Variants in B3GAT2 observed in about 807,000 individuals in gnomAD.
B3GAT2 encodes galactosylgalactosylxylosylprotein 3-beta-glucuronosyltransferase 2.
In B3GAT2, 26 loss-of-function variants were observed where a neutral mutation model predicts 27.8. That is an observed-to-expected ratio of 0.93 (90% confidence interval 0.68 to 1.30). The LOEUF (loss-of-function observed/expected upper bound fraction) is 1.30. Ranked by LOEUF, B3GAT2 falls within the 50% of genes most tolerant of loss-of-function variation. The pLI, the probability that B3GAT2 is intolerant of heterozygous loss-of-function variation, is 0.00. For synonymous variants in B3GAT2, 218 were observed against 195.1 expected (o/e 1.12, Z -0.98); for missense variants, 458 against 459.0 (o/e 1.00, Z 0.02).
chr6:70,894,138 G>A lies in B3GAT2; in HGVS notation c.726C>T (p.Ile242=), dbSNP rs561877361. 6 of 1,610,984 alleles carry A rather than the reference G, an allele frequency of 3.7e-6. No homozygotes were observed. The highest frequency in any genetic ancestry group is 2.2e-5 in the South Asian group (2 of 90,578). Residue 242 remains isoleucine, a synonymous_variant, in exon 2 of 4, where the codon ATC becomes ATT. Transcript: ENST00000230053. ...TGWRADRPFA[I]DMAGFAVSLQ... Reference sequence around the variant, plus strand: ...ACCCACACTGCTCACCTGCCATGTCGATGGCAAAAGGCCTGTCTGCTCTCC... The same window carrying A: ...ACCCACACTGCTCACCTGCCATGTCAATGGCAAAAGGCCTGTCTGCTCTCC...
At position 70,860,841 on chromosome 6, in the gene B3GAT2, T is replaced by C. The variant is rs954188680; in HGVS notation, c.*822A>G. The C allele has an allele frequency of 2.0e-5, 8 of 395,944 alleles. No individual in the cohort carries two copies. Among genetic ancestry groups the C allele is most frequent in the Non-Finnish European group, 3.6e-5 (8 of 224,358 alleles). 24.5% of individuals were successfully genotyped at this position (395,944 alleles called of 1,614,324 possible). On this transcript the variant is annotated 3_prime_UTR_variant, in exon 4 of 4. Transcript: ENST00000230053. ...TTTCATCATTCACTTCACTGTGCTG[T>C]TGTTATGATGTGCTTAACAGGGAAC...
rs180871790 is a variant in B3GAT2 at position 70,911,220 on chromosome 6, T to A, written c.592-16948A>T. Among the ~76,000 whole-genome samples the A allele has an allele frequency of 6.6e-5, 10 of 152,154 alleles. No homozygotes were observed. The East Asian group carries it at 1.8e-3, about 27-fold the overall frequency. ...GCAATTGCTTTTGGCATCTTCATCA[T>A]GAAATCTTTGCCAGGGACTATGTCC... is the stretch of plus-strand genomic sequence containing the variant. On this transcript the variant is annotated intron_variant, in intron 1 of 3. Transcript: ENST00000230053.
intron 2 of B3GAT2, among the ~76,000 whole-genome samples, chr6:70,879,294 T>C (rs1772062936): frequency 6.6e-6 from 1 of 152,194 alleles, no homozygotes; most frequent in Non-Finnish European, 1.5e-5. Context: ...CTAGGATCCA[T>C]TTCTTTTCTT....
chr6:70,871,223 T>A (rs9351794), intron 2 of B3GAT2, among the ~76,000 whole-genome samples: 1 of 34,240 alleles, frequency 2.9e-5, no homozygotes, highest in East Asian at 1.9e-3. Flanking sequence ...TTTTTTTTTG[T>A]TTTTTTTTTT....
chr6:70,901,674 TTC>T (rs1274662485), intron 1 of B3GAT2, among the ~76,000 whole-genome samples: 1 of 152,222 alleles, frequency 6.6e-6, no homozygotes, highest in Non-Finnish European at 1.5e-5. Context: ...GTCCCCATCA[TTC>T]CCCACTGCAG....
At chr6:70,866,268 G>C (rs1396559255) in intron 2 of B3GAT2, among the ~76,000 whole-genome samples, 1 of 152,132 alleles carries the variant, frequency 6.6e-6, no homozygotes, top group Non-Finnish European at 1.5e-5. Flanking sequence ...AGGTCAAATT[G>C]ATTAGCCCTA....
At chr6:70,955,562 A>AC (rs1416594630) in intron 1 of B3GAT2, among the ~76,000 whole-genome samples, 1 of 151,972 alleles carries the variant, frequency 6.6e-6, no homozygotes, top group Non-Finnish European at 1.5e-5. Flanking sequence ...CACCTGTGCT[A>AC]TTCTCTTGAC....
intron 1 of B3GAT2, among the ~76,000 whole-genome samples, chr6:70,904,405 C>T (rs1225284773): frequency 1.3e-5 from 2 of 152,070 alleles, no homozygotes; most frequent in Non-Finnish European, 2.9e-5. Flanking sequence ...TATGAACTCA[C>T]GATTAAAGAG....
In B3GAT2 at chr6:70,861,754, AG is replaced by A. The variant is rs1431432027; in HGVS notation, c.886-6del. 1 of 1,613,958 alleles carries A rather than the reference AG, an allele frequency of 6.2e-7. No individual in the cohort carries two copies. The highest frequency in any genetic ancestry group is 8.5e-7 in the Non-Finnish European group (1 of 1,179,986). On this transcript the variant is annotated splice_region_variant and splice_polypyrimidine_tract_variant and intron_variant, in intron 3 of 3. Coordinates refer to ENST00000230053, the MANE Select transcript of B3GAT2 (RefSeq NM_080742.3). ...CCGAGTGTGCCACACGAGAACCTGA[AG>A]GGGAAGGAAATAGCTTGGGTAGCGC... is the stretch of plus-strand genomic sequence containing the variant.
rs944850761 is a variant in B3GAT2 at position 70,955,896 on chromosome 6, G to T, written c.534C>A (p.Pro178=). The T allele has an allele frequency of 5.0e-6, 8 of 1,604,418 alleles. No homozygotes were observed. In the East Asian group the frequency reaches 1.8e-4, roughly 36 times the overall value. Reference sequence around the variant, plus strand: ...CGTCGTCAGCGAAGAAGAGCACGCCGGGCTGCGCGCGCTGGTGCTGGTGCC... The same window carrying T: ...CGTCGTCAGCGAAGAAGAGCACGCCTGGCTGCGCGCGCTGGTGCTGGTGCC... ...RQRHQHQRAQ[P]GVLFFADDDN... is the part of the protein sequence containing the mutation. The change falls in exon 1 of 4, where the codon CCC becomes CCA. Residue 178 remains proline, a synonymous_variant. Transcript: ENST00000230053.
chr6:70,933,081 G>A (rs1773086314), intron 1 of B3GAT2, among the ~76,000 whole-genome samples: 2 of 152,154 alleles, frequency 1.3e-5, no homozygotes, highest in South Asian at 2.1e-4. Context: ...TTATAAGTGT[G>A]AGCCACCATG....
chr6:70,940,754 C>T (rs1765380214), intron 1 of B3GAT2, among the ~76,000 whole-genome samples: 1 of 152,056 alleles, frequency 6.6e-6, no homozygotes, highest in Non-Finnish European at 1.5e-5. Flanking sequence ...ATGTTGAAAC[C>T]CCACCTTTAC....
At chr6:70,867,595 G>A (rs1205816009) in intron 2 of B3GAT2, among the ~76,000 whole-genome samples, 1 of 152,060 alleles carries the variant, frequency 6.6e-6, no homozygotes, top group African/African-American at 2.4e-5. Flanking sequence ...TGAAAGACAA[G>A]CTACAAGGCT....
rs571114740 is a variant in B3GAT2 at position 70,857,405 on chromosome 6, A to C, written c.*4258T>G. 5.9e-6 allele frequency: 1 copy of C among 169,352 alleles called. No individual in the cohort carries two copies. The highest frequency in any genetic ancestry group is 2.4e-5 in the African/African-American group (1 of 42,080). 10.5% of individuals were successfully genotyped at this position (169,352 alleles called of 1,614,324 possible). ...TTACCACATGGATTAAAAAAAATCT[A>C]TGAATTTTTTTGTAATCATAACAAA... On this transcript the variant is annotated 3_prime_UTR_variant, in exon 4 of 4. Coordinates refer to ENST00000230053, the MANE Select transcript of B3GAT2 (RefSeq NM_080742.3).
At chr6:70,921,565 C>CT (rs1390230274) in intron 1 of B3GAT2, among the ~76,000 whole-genome samples, 1 of 152,072 alleles carries the variant, frequency 6.6e-6, no homozygotes, top group African/African-American at 2.4e-5. Context: ...TCTCAATGAT[C>CT]TTTTTTCTAT....
intron 1 of B3GAT2, among the ~76,000 whole-genome samples, chr6:70,940,573 G>A (rs1369225048): frequency 6.6e-6 from 1 of 152,018 alleles, no homozygotes; most frequent in Admixed American, 6.5e-5. Flanking sequence ...GATAATCACT[G>A]TATCATGTAG....
chr6:70,883,351 C>T (rs537278518), intron 2 of B3GAT2, among the ~76,000 whole-genome samples: 44 of 150,514 alleles, frequency 2.9e-4, no homozygotes, highest in African/African-American at 9.5e-4. Flanking sequence ...CATGGATAAA[C>T]GAAATGTGGA....
rs974239917 is a variant in B3GAT2 at position 70,858,688 on chromosome 6, CACTATTT to C, written c.*2968_*2974del. 49 of 154,986 alleles carry C rather than the reference CACTATTT, an allele frequency of 3.2e-4. No homozygotes were observed. Among genetic ancestry groups the C allele is most frequent in the African/African-American group, 1.2e-3 (48 of 41,580 alleles). 9.6% of individuals were successfully genotyped at this position (154,986 alleles called of 1,614,324 possible). A position where few individuals can be genotyped will look rare whatever the true frequency, so the allele number is the denominator to read the frequency against. On this transcript the variant is annotated 3_prime_UTR_variant, in exon 4 of 4. Coordinates refer to ENST00000230053, the MANE Select transcript of B3GAT2 (RefSeq NM_080742.3). ...AAAATCTAGCCTCATATTCTCAAAG[CACTATTT>C]TATGAGGGATCTAAGGCTATTTTTC...
intron 1 of B3GAT2, among the ~76,000 whole-genome samples, chr6:70,938,041 C>A (rs930818480): frequency 6.6e-6 from 1 of 151,046 alleles, no homozygotes; most frequent in Non-Finnish European, 1.5e-5. Flanking sequence ...AGCTGATAAG[C>A]AACTTCAGCA....
Sources: allele counts gnomAD v4.1 joint callset (sites outside exome capture counted in the v4.1 genomes callset), GRCh38; gene constraint gnomAD v4.1.1; transcripts MANE v1.5; gene names NCBI Gene and HGNC (gene_info 2026-07-23, HGNC 2026-07-21).